Variants in RASGRF2 observed in about 807,000 individuals in gnomAD.
The protein encoded by RASGRF2 is ras-specific guanine nucleotide-releasing factor 2.
RASGRF2 carries 76 observed loss-of-function variants against 151.0 expected under a neutral mutation model. That is an observed-to-expected ratio of 0.50 (90% CI 0.42 to 0.61). The LOEUF (loss-of-function observed/expected upper bound fraction) is 0.61, where lower values mean the gene tolerates loss of function less well. Ranked by LOEUF, RASGRF2 falls within the 20% of genes least tolerant of loss-of-function variation. The pLI is 0.00. For missense variants in RASGRF2, 1,148 were observed against 1,564.6 expected (o/e 0.73, Z 4.49); for synonymous variants, 504 against 566.5 (o/e 0.89, Z 1.57).
chr5:81,081,909 G>C (rs1175321565), intron 7 of RASGRF2, among the ~76,000 whole-genome samples: 1 of 152,108 alleles, frequency 6.6e-6, no homozygotes, highest in East Asian at 1.9e-4. Flanking sequence ...TGAACTCTTT[G>C]CCTCTCTTAG....
chr5:81,160,147 C>T (rs143611453), intron 17 of RASGRF2, among the ~76,000 whole-genome samples: 3,411 of 152,198 alleles, frequency 0.022, 139 homozygotes, highest in African/African-American at 0.078. Context: ...AGGCCGGGTG[C>T]GGTGGCTCAC....
At chr5:81,167,459 T>TA (rs1431312071) in intron 17 of RASGRF2, among the ~76,000 whole-genome samples, 1 of 152,232 alleles carries the variant, frequency 6.6e-6, no homozygotes, top group African/African-American at 2.4e-5. Context: ...AGTCAGTTGT[T>TA]AAACTAATCC....
chr5:81,057,660 A>G (rs1324327551), intron 2 of RASGRF2, among the ~76,000 whole-genome samples: 6 of 152,180 alleles, frequency 3.9e-5, no homozygotes, highest in South Asian at 2.1e-4. Context: ...CATATTAATC[A>G]GCTTAAACAT....
Position 81,094,381 on chromosome 5 carries a change from C to T in RASGRF2, c.1618+19C>T. On this transcript the variant is annotated intron_variant, in intron 11 of 26. Transcript: ENST00000265080. The stretch of plus-strand genomic sequence containing the variant: ...GATGACTGTAAGTCACCTTCGATCA[C>T]TTAGGATTCTATTAGAATTAGAGGC... The T allele has an allele frequency of 6.2e-7, 1 of 1,601,308 alleles. No individual in the cohort carries two copies. The highest frequency in any genetic ancestry group is 8.5e-7 in the Non-Finnish European group (1 of 1,171,618).
In RASGRF2 at chr5:81,201,262, T is replaced by C; in HGVS notation, c.2794-68T>C. The stretch of plus-strand genomic sequence containing the variant: ...CTTCTAGAGAATTTATCATGGAGAA[T>C]GGTGTCATGTGTCATAGAGCTAACC... On this transcript the variant is annotated intron_variant, in intron 18 of 26. Transcript: ENST00000265080. 2.0e-6 allele frequency: 3 copies of C among 1,525,748 alleles called. 1 individual carries two copies. The highest frequency in any genetic ancestry group is 2.8e-5 in the African/African-American group (2 of 71,998). 94.5% of individuals were successfully genotyped at this position (1,525,748 alleles called of 1,614,324 possible).
chr5:80,988,313 A>AGT (rs756053099), intron 1 of RASGRF2, among the ~76,000 whole-genome samples: 14 of 152,200 alleles, frequency 9.2e-5, no homozygotes, highest in Non-Finnish European at 1.5e-4. Flanking sequence ...GGCCTCCCAA[A>AGT]GTGCTGGGAT....
chr5:81,023,525 C>G (rs770045626), intron 1 of RASGRF2, among the ~76,000 whole-genome samples: 1 of 152,144 alleles, frequency 6.6e-6, no homozygotes, highest in Non-Finnish European at 1.5e-5. Context: ...TGATGAGCGG[C>G]TACAAATAAT....
intron 17 of RASGRF2, among the ~76,000 whole-genome samples, chr5:81,178,562 T>C (rs1212106195): frequency 6.6e-6 from 1 of 152,136 alleles, no homozygotes; most frequent in Non-Finnish European, 1.5e-5. Context: ...ATCATTTAAG[T>C]GGTAGGCCTA....
intron 17 of RASGRF2, among the ~76,000 whole-genome samples, chr5:81,161,050 C>T (rs989034122): frequency 6.6e-6 from 1 of 152,162 alleles, no homozygotes; most frequent in Non-Finnish European, 1.5e-5. Context: ...CCAACCTATA[C>T]TAGAGTAGGT....
rs112960524 is a variant in RASGRF2 at position 81,109,085 on chromosome 5, G to A, written c.1838+7G>A. 2 of 1,606,864 alleles carry A rather than the reference G, an allele frequency of 1.2e-6. No homozygotes were observed. The highest frequency in any genetic ancestry group is 2.2e-5 in the East Asian group (1 of 44,664). ...CTGTGCCACATATGATTAAGTAAGTGTGAGAATCCTTTCCTTTACATTTTA... is the reference window on the plus strand; with the variant it reads ...CTGTGCCACATATGATTAAGTAAGTATGAGAATCCTTTCCTTTACATTTTA... On this transcript the variant is annotated splice_region_variant and intron_variant, in intron 13 of 26. Transcript: ENST00000265080.
At chr5:81,073,939 T>C (rs1190753335) in intron 5 of RASGRF2, among the ~76,000 whole-genome samples, 1 of 152,234 alleles carries the variant, frequency 6.6e-6, no homozygotes, top group African/African-American at 2.4e-5. Context: ...TTTACATCTT[T>C]ACTTGAATCT....
chr5:81,160,488 A>G (rs996127186), intron 17 of RASGRF2, among the ~76,000 whole-genome samples: 2 of 151,662 alleles, frequency 1.3e-5, no homozygotes, highest in Admixed American at 6.6e-5. Flanking sequence ...TGGCTAATAC[A>G]GTGAAACCCC....
intron 1 of RASGRF2, among the ~76,000 whole-genome samples, chr5:81,032,750 C>T (rs977378369): frequency 2.0e-5 from 3 of 152,066 alleles, no homozygotes; most frequent in African/African-American, 4.8e-5. Context: ...ACAGGGATGC[C>T]CTCTCTCACC....
intron 17 of RASGRF2, among the ~76,000 whole-genome samples, chr5:81,137,222 A>T (rs1022655080): frequency 2.0e-5 from 3 of 152,162 alleles, no homozygotes; most frequent in Non-Finnish European, 4.4e-5. Flanking sequence ...TTATTGTAAA[A>T]TGGGCTTTGT....
intron 9 of RASGRF2, among the ~76,000 whole-genome samples, chr5:81,089,806 T>A (rs1393987171): frequency 2.0e-5 from 3 of 152,196 alleles, no homozygotes; most frequent in African/African-American, 4.8e-5. Flanking sequence ...TCTTTTAGGA[T>A]TGTTGTAAAA....
chr5:81,052,659 A>T (rs932767821), intron 2 of RASGRF2, among the ~76,000 whole-genome samples: 21 of 152,312 alleles, frequency 1.4e-4, no homozygotes, highest in Non-Finnish European at 3.1e-4. Flanking sequence ...AATGAAGTGG[A>T]GATACTGACA....
intron 1 of RASGRF2, among the ~76,000 whole-genome samples, chr5:80,983,140 C>T (rs998393988): frequency 5.9e-5 from 9 of 152,224 alleles, no homozygotes; most frequent in Non-Finnish European, 1.0e-4. Context: ...CTCTAAGCAG[C>T]GTCTGCCCTC....
At position 81,127,254 on chromosome 5, in the gene RASGRF2, A is replaced by G. The variant is rs1431973101; in HGVS notation, c.2686+91A>G. ...CCAGTGTCTTGATGAGACACTCGGCAGCTCTCACACTGGAATCCCAGCATT... is the reference window on the plus strand; with the variant it reads ...CCAGTGTCTTGATGAGACACTCGGCGGCTCTCACACTGGAATCCCAGCATT... On this transcript the variant is annotated intron_variant, in intron 17 of 26. Coordinates refer to ENST00000265080, the MANE Select transcript of RASGRF2 (RefSeq NM_006909.3). 3.8e-6 allele frequency: 5 copies of G among 1,304,386 alleles called. No homozygotes were observed. The East Asian group carries it at 1.2e-4, about 32-fold the overall frequency. 80.8% of individuals were successfully genotyped at this position (1,304,386 alleles called of 1,614,324 possible). A position where few individuals can be genotyped will look rare whatever the true frequency, so the allele number is the denominator to read the frequency against.
chr5:81,025,930 C>T (rs1365304126), intron 1 of RASGRF2, among the ~76,000 whole-genome samples: 1 of 151,968 alleles, frequency 6.6e-6, no homozygotes, highest in South Asian at 2.1e-4. Context: ...CACGATTAAA[C>T]AAACTCCCTC....
Sources: allele counts gnomAD v4.1 joint callset (sites outside exome capture counted in the v4.1 genomes callset), GRCh38; gene constraint gnomAD v4.1.1; transcripts MANE v1.5; gene names NCBI Gene and HGNC (gene_info 2026-07-23, HGNC 2026-07-21).